LSAMP: variants seen among roughly 807,000 people sequenced by gnomAD.
LSAMP encodes limbic system-associated membrane protein.
A neutral mutation model predicts 38.6 loss-of-function variants in LSAMP; 7 were observed. The ratio of observed to expected loss-of-function variants is 0.18; its 90% CI spans 0.10 to 0.34. The LOEUF is 0.34. Among genes scored for constraint, LSAMP ranks in the 10% least tolerant of loss-of-function variants. The pLI is 1.00. For missense variants in LSAMP, 313 were observed against 420.0 expected (o/e 0.75, Z 2.23); for synonymous variants, 154 against 166.8 (o/e 0.92, Z 0.59).
intron 6 of LSAMP, among the ~76,000 whole-genome samples, chr3:115,827,005 C>T (rs192974626): frequency 1.4e-4 from 21 of 146,672 alleles, no homozygotes; most frequent in Admixed American, 7.5e-4. Context: ...CAGCTGTCAG[C>T]GATAAACTTA....
At chr3:115,980,708 T>C (rs1323168738) in intron 3 of LSAMP, among the ~76,000 whole-genome samples, 1 of 152,122 alleles carries the variant, frequency 6.6e-6, no homozygotes, top group African/African-American at 2.4e-5. Flanking sequence ...TATTTTCCAT[T>C]TAAAGGGGAC....
intron 3 of LSAMP, among the ~76,000 whole-genome samples, chr3:115,994,887 AC>A (rs1576291690): frequency 6.6e-6 from 1 of 151,996 alleles, no homozygotes; most frequent in Non-Finnish European, 1.5e-5. Flanking sequence ...TGGGGTGATA[AC>A]CTATCACAGA....
chr3:115,860,696 G>T (rs1243560588), intron 3 of LSAMP, among the ~76,000 whole-genome samples: 1 of 152,044 alleles, frequency 6.6e-6, no homozygotes, highest in Non-Finnish European at 1.5e-5. Flanking sequence ...AAACCTATTG[G>T]TACACAAAAA....
At chr3:116,354,210 T>C (rs2048188113) in intron 1 of LSAMP, among the ~76,000 whole-genome samples, 1 of 152,190 alleles carries the variant, frequency 6.6e-6, no homozygotes, top group Non-Finnish European at 1.5e-5. Context: ...TCTTTTCCAG[T>C]GTTCCAGCCA....
chr3:116,280,534 G>GCAT (rs1373760458), intron 1 of LSAMP, among the ~76,000 whole-genome samples: 3 of 152,218 alleles, frequency 2.0e-5, no homozygotes, highest in Non-Finnish European at 4.4e-5. Context: ...CCCAGTATTG[G>GCAT]CATCTATTTC....
chr3:116,292,631 A>G (rs1166747945), intron 1 of LSAMP, among the ~76,000 whole-genome samples: 1 of 152,162 alleles, frequency 6.6e-6, no homozygotes, highest in East Asian at 1.9e-4. Context: ...GATTTTGTTT[A>G]TAGATCTTTT....
At chr3:116,282,911 ACT>A (rs2047145276) in intron 1 of LSAMP, among the ~76,000 whole-genome samples, 1 of 151,702 alleles carries the variant, frequency 6.6e-6, no homozygotes, top group Non-Finnish European at 1.5e-5. Context: ...TCAGGGCCTT[ACT>A]CTCTCCCCTG....
intron 1 of LSAMP, among the ~76,000 whole-genome samples, chr3:116,378,516 A>G (rs1256344877): frequency 6.6e-6 from 1 of 152,080 alleles, no homozygotes; most frequent in African/African-American, 2.4e-5. Context: ...TACATTTTAG[A>G]AGTCATAAAG....
chr3:116,230,242 C>G (rs986167962), intron 1 of LSAMP, among the ~76,000 whole-genome samples: 1 of 148,928 alleles, frequency 6.7e-6, no homozygotes, highest in African/African-American at 2.5e-5. Context: ...TTTTTTTTGT[C>G]TTTGATAGAT....
intron 6 of LSAMP, among the ~76,000 whole-genome samples, chr3:115,817,939 T>G (rs1934083422): frequency 6.6e-6 from 1 of 152,164 alleles, no homozygotes; most frequent in South Asian, 2.1e-4. Context: ...TAATACGAGC[T>G]TTGACATCTT....
chr3:115,995,605 C>G (rs770357939), intron 3 of LSAMP, among the ~76,000 whole-genome samples: 8 of 151,940 alleles, frequency 5.3e-5, no homozygotes, highest in Non-Finnish European at 1.0e-4. Flanking sequence ...GTTTTTTCCC[C>G]CCAATAACCT....
In LSAMP at chr3:115,975,917, C is replaced by T. The variant is rs141129135; in HGVS notation, c.514+43598G>A. On this transcript the variant is annotated intron_variant, in intron 3 of 6. Coordinates refer to ENST00000490035, the MANE Select transcript of LSAMP (RefSeq NM_002338.5). ...CTGCCCCCTCTTTCCAAAGCAACAT[C>T]TCTCTTGGTTTTACCATTCTCCCAG... is the stretch of plus-strand genomic sequence containing the variant. Among the ~76,000 whole-genome samples the T allele has an allele frequency of 5.7e-3, 868 of 152,282 alleles. 4 individuals are homozygous for T. Among genetic ancestry groups the T allele is most frequent in the South Asian group, 0.011 (51 of 4,822 alleles).
chr3:115,873,379 A>G (rs1414893820), intron 3 of LSAMP, among the ~76,000 whole-genome samples: 4 of 92,288 alleles, frequency 4.3e-5, no homozygotes, highest in Non-Finnish European at 3.9e-5. Flanking sequence ...TGAGGCTCTG[A>G]AAAAAAAAAA....
At chr3:116,328,751 A>G (rs1191356665) in intron 1 of LSAMP, among the ~76,000 whole-genome samples, 1 of 152,168 alleles carries the variant, frequency 6.6e-6, no homozygotes, top group African/African-American at 2.4e-5. Context: ...GTTATACATT[A>G]CCAATGCTCT....
intron 1 of LSAMP, among the ~76,000 whole-genome samples, chr3:116,195,700 T>C (rs1351491418): frequency 7.7e-6 from 1 of 130,600 alleles, no homozygotes; most frequent in Non-Finnish European, 1.6e-5. Context: ...AGGATAAAAG[T>C]CTTTTAGAAA....
intron 3 of LSAMP, among the ~76,000 whole-genome samples, chr3:115,897,755 T>C (rs1475126692): frequency 6.6e-6 from 1 of 152,080 alleles, no homozygotes; most frequent in African/African-American, 2.4e-5. Flanking sequence ...GTCTGGACTT[T>C]CTTTAAAATA....
intron 3 of LSAMP, among the ~76,000 whole-genome samples, chr3:116,002,268 A>G (rs1286932075): frequency 6.6e-6 from 1 of 152,150 alleles, no homozygotes; most frequent in Non-Finnish European, 1.5e-5. Flanking sequence ...GCAGTTGCTT[A>G]GTCTTCTGTT....
chr3:116,022,298 C>T (rs1940661758), intron 2 of LSAMP, among the ~76,000 whole-genome samples: 1 of 151,546 alleles, frequency 6.6e-6, no homozygotes, highest in South Asian at 2.1e-4. Flanking sequence ...ACATGTGTCC[C>T]TTTTTTATTT....
At chr3:115,837,788 A>G (rs1247905753) in intron 6 of LSAMP, 1 of 152,236 alleles carries the variant, frequency 6.6e-6, no homozygotes, top group African/African-American at 2.4e-5. Context: ...GACTACCTGA[A>G]TTTAAATCTC....
Sources: gnomAD v4.1 joint callset for allele counts (sites outside exome capture counted in the v4.1 genomes callset) on GRCh38, gnomAD v4.1.1 for gene constraint, MANE v1.5 for transcripts, NCBI Gene and HGNC (gene_info 2026-07-23, HGNC 2026-07-21) for gene names.